DNAH6: variants seen among roughly 807,000 people sequenced by gnomAD.
DNAH6 encodes the protein dynein axonemal heavy chain 6.
A neutral mutation model predicts 491.4 loss-of-function variants in DNAH6; 340 were observed. That is an observed-to-expected ratio of 0.69 (90% CI 0.63 to 0.76). The LOEUF is 0.76. Ranked by LOEUF, DNAH6 falls within the 30% of genes least tolerant of loss-of-function variation. The probability of loss-of-function intolerance (pLI) is 0.00; values close to 1 mark genes in which losing one functional copy is unlikely to be tolerated. For missense variants in DNAH6, 4,443 were observed against 4,972.2 expected, an observed-to-expected ratio of 0.89 and a Z score of 3.20; for synonymous variants, 1,603 against 1,686.1, an observed-to-expected ratio of 0.95 and a Z score of 1.21.
At position 84,819,450 on chromosome 2, in the gene DNAH6, T is replaced by A; in HGVS notation, c.*42T>A. The stretch of plus-strand genomic sequence containing the variant: ...CCCTGAAAAAGAACCAGGCCAGAGA[T>A]CTTTCCTAATGGGAGCAAAAGGTTT... On this transcript the variant is annotated 3_prime_UTR_variant, in exon 77 of 77. Coordinates refer to ENST00000389394, the MANE Select transcript of DNAH6 (RefSeq NM_001370.2). 1.5e-6 allele frequency: 2 copies of A among 1,304,118 alleles called. No homozygotes were observed. The highest frequency in any genetic ancestry group is 2.1e-6 in the Non-Finnish European group (2 of 932,804). 80.8% of individuals were successfully genotyped at this position (1,304,118 alleles called of 1,614,324 possible).
chr2:84,661,935 G>C (rs1172469066), intron 37 of DNAH6, among the ~76,000 whole-genome samples: 2 of 152,084 alleles, frequency 1.3e-5, no homozygotes, highest in African/African-American at 2.4e-5. Context: ...TTGGTGAAAG[G>C]ATATCAAATA....
intron 56 of DNAH6, among the ~76,000 whole-genome samples, chr2:84,711,075 G>C (rs1190706072): frequency 2.0e-5 from 3 of 152,190 alleles, no homozygotes; most frequent in African/African-American, 7.2e-5. Flanking sequence ...GAGAAAGAAA[G>C]AGAGAAGAAA....
chr2:84,704,613 G>A (rs192769583), intron 51 of DNAH6, among the ~76,000 whole-genome samples: 1 of 152,296 alleles, frequency 6.6e-6, no homozygotes, highest in East Asian at 1.9e-4. Context: ...GCCCAGCTGG[G>A]ATGTGCAAGT....
intron 35 of DNAH6, among the ~76,000 whole-genome samples, chr2:84,654,990 G>A (rs1690805410): frequency 6.6e-6 from 1 of 151,662 alleles, no homozygotes; most frequent in Non-Finnish European, 1.5e-5. Flanking sequence ...ACCCCAGCCT[G>A]CCAGCCTGCC....
At chr2:84,675,220 T>C (rs915140074) in intron 40 of DNAH6, among the ~76,000 whole-genome samples, 5 of 152,218 alleles carry the variant, frequency 3.3e-5, no homozygotes, top group Non-Finnish European at 7.3e-5. Flanking sequence ...TGTGCTCATC[T>C]TGTGTTGCAT....
At chr2:84,626,122 A>C (rs74451830) in intron 29 of DNAH6, among the ~76,000 whole-genome samples, 2 of 152,070 alleles carry the variant, frequency 1.3e-5, no homozygotes, top group African/African-American at 4.8e-5. Context: ...TAAAAAAAAA[A>C]CTCATGGATT....
intron 16 of DNAH6, among the ~76,000 whole-genome samples, chr2:84,589,801 G>A (rs1331689111): frequency 6.6e-6 from 1 of 151,886 alleles, no homozygotes; most frequent in Non-Finnish European, 1.5e-5. Flanking sequence ...AGAGATGCAG[G>A]TGCTTTCAAC....
At chr2:84,665,092 T>C (rs951554598) in intron 37 of DNAH6, among the ~76,000 whole-genome samples, 6 of 151,896 alleles carry the variant, frequency 4.0e-5, no homozygotes, top group South Asian at 2.1e-4. Context: ...GGGACACATT[T>C]AAAGCAGTGT....
intron 3 of DNAH6, among the ~76,000 whole-genome samples, chr2:84,527,590 T>A (rs1196159372): frequency 6.6e-6 from 1 of 152,208 alleles, no homozygotes; most frequent in African/African-American, 2.4e-5. Context: ...TAAGGTGATG[T>A]GTGTTTTCTC....
At chr2:84,516,738 G>A (rs1279105415) in intron 1 of DNAH6, among the ~76,000 whole-genome samples, 155 bp downstream of exon 1, 13 of 152,146 alleles carry the variant, frequency 8.5e-5, no homozygotes, top group Admixed American at 7.2e-4. Flanking sequence ...ATTTTAGAGG[G>A]GTGGAAAGTG....
chr2:84,624,245 A>G lies in DNAH6; in HGVS notation c.4072-20A>G. ...AGCTGATATTGGAAAATTCACCATGACAATTTTTTTTATTTGTAGAGATTA... is the reference window on the plus strand; with the variant it reads ...AGCTGATATTGGAAAATTCACCATGGCAATTTTTTTTATTTGTAGAGATTA... On this transcript the variant is annotated intron_variant, in intron 26 of 76. Transcript: ENST00000389394. 1.3e-6 allele frequency: 2 copies of G among 1,527,484 alleles called. No homozygotes were observed. The highest frequency in any genetic ancestry group is 1.8e-6 in the Non-Finnish European group (2 of 1,139,166). The allele number at this position is 1,527,484 out of a possible 1,614,324, so 94.6% of individuals were successfully genotyped here. A position where few individuals can be genotyped will look rare whatever the true frequency, so the allele number is the denominator to read the frequency against.
intron 13 of DNAH6, among the ~76,000 whole-genome samples, chr2:84,579,158 T>C (rs1682768605): frequency 6.6e-6 from 1 of 152,212 alleles, no homozygotes. Context: ...AGACTGCATA[T>C]TTGTTTCTGA....
chr2:84,472,306 C>T, the DNAH6 span, among the ~76,000 whole-genome samples: 11 of 151,650 alleles, frequency 7.3e-5, no homozygotes, highest in Non-Finnish European at 1.0e-4. Context: ...GGCAATATTC[C>T]GTTGTTGAAA....
At position 84,658,477 on chromosome 2, in the gene DNAH6, A is replaced by G. The variant is rs1691190054; in HGVS notation, c.5940+3A>G. 6.8e-7 allele frequency: 1 copy of G among 1,473,194 alleles called. No individual in the cohort carries two copies. The highest frequency in any genetic ancestry group is 9.0e-7 in the Non-Finnish European group (1 of 1,107,784). The allele number at this position is 1,473,194 out of a possible 1,614,324, so 91.3% of individuals were successfully genotyped here. A position where few individuals can be genotyped will look rare whatever the true frequency, so the allele number is the denominator to read the frequency against. On this transcript the variant is annotated splice_donor_region_variant and intron_variant, in intron 36 of 76. Transcript: ENST00000389394. ...AAGATGGAGTTAACTTGGCAATGGT[A>G]TGAAGAGTTTTCTTATTGCTATGAA... is the stretch of plus-strand genomic sequence containing the variant.
chr2:84,787,363 C>T lies in DNAH6; in HGVS notation c.11239+61C>T, dbSNP rs1264530678. Reference sequence around the variant, plus strand: ...GTACCACAAAGTTGTTGGTTTACTCCCACCTGGCCCTTACAAAGATGGTGT... The same window carrying T: ...GTACCACAAAGTTGTTGGTTTACTCTCACCTGGCCCTTACAAAGATGGTGT... On this transcript the variant is annotated intron_variant, in intron 68 of 76. Transcript: ENST00000389394. 32 of 1,349,172 alleles carry T rather than the reference C, an allele frequency of 2.4e-5. No individual in the cohort carries two copies. In the East Asian group the frequency reaches 8.2e-4, roughly 34 times the overall value. 83.6% of individuals were successfully genotyped at this position (1,349,172 alleles called of 1,614,324 possible).
upstream of DNAH6, among the ~76,000 whole-genome samples, chr2:84,514,758 A>G (rs1019525068): frequency 6.6e-6 from 1 of 152,166 alleles, no homozygotes; most frequent in Non-Finnish European, 1.5e-5. Flanking sequence ...ACATCTTGCC[A>G]CATTAAAAAA....
In DNAH6 at chr2:84,669,372, T is replaced by C. The variant is rs1307670619; in HGVS notation, c.6168T>C (p.Thr2056=). Residue 2056 remains threonine, a synonymous_variant, in exon 38 of 77, where the codon ACT becomes ACC. Coordinates refer to ENST00000389394, the MANE Select transcript of DNAH6 (RefSeq NM_001370.2). ...ATCCCTGGGAACGAATCATACCTAC[T>C]TTCAAATACAACCGAGATGTTCCAT... ...RLDPWERIIP[T]FKYNRDVPFF... 6.5e-7 allele frequency: 1 copy of C among 1,546,780 alleles called. No individual in the cohort carries two copies. The highest frequency in any genetic ancestry group is 8.8e-7 in the Non-Finnish European group (1 of 1,142,178).
intron 67 of DNAH6, 76 bp from the exon 68 acceptor site, chr2:84,787,088 T>C: frequency 8.5e-7 from 1 of 1,169,670 alleles, no homozygotes; most frequent in Non-Finnish European, 1.2e-6. Flanking sequence ...TGGAAATTTC[T>C]TTTTAGTTTC....
intron 14 of DNAH6, among the ~76,000 whole-genome samples, chr2:84,581,417 A>G (rs1186848589): frequency 1.3e-5 from 2 of 152,324 alleles, no homozygotes; most frequent in Middle Eastern, 3.4e-3. Flanking sequence ...CAAAAATTAC[A>G]ATGAATAAAC....
Sources: gnomAD v4.1 joint callset for allele counts (sites outside exome capture counted in the v4.1 genomes callset) on GRCh38, gnomAD v4.1.1 for gene constraint, MANE v1.5 for transcripts, NCBI Gene and HGNC (gene_info 2026-07-23, HGNC 2026-07-21) for gene names.